Variants in COL16A1 observed in about 807,000 individuals in gnomAD.
COL16A1 encodes collagen alpha-1(XVI) chain.
Under a neutral mutation model 266.3 loss-of-function variants are expected in COL16A1, and 189 were observed. The ratio of observed to expected loss-of-function variants is 0.71; its 90% CI spans 0.63 to 0.80. The LOEUF is 0.80. Among genes scored for constraint, COL16A1 ranks in the 30% least tolerant of loss-of-function variants. The pLI, the probability that COL16A1 is intolerant of heterozygous loss-of-function variation, is 0.00. For synonymous variants in COL16A1, 740 were observed against 782.3 expected, an observed-to-expected ratio of 0.95 and a Z score of 0.90; for missense variants, 1,928 against 2,122.4, an observed-to-expected ratio of 0.91 and a Z score of 1.80.
intron 42 of COL16A1, among the ~76,000 whole-genome samples, chr1:31,675,965 C>T (rs79906506): frequency 4.6e-5 from 7 of 152,326 alleles, no homozygotes; most frequent in African/African-American, 1.4e-4. Context: ...CCTATTTTCT[C>T]GTTTAATCAT....
chr1:31,653,734 C>T (rs1640841190), intron 69 of COL16A1, 58 bp from the exon 70 acceptor site: 1 of 1,581,228 alleles, frequency 6.3e-7, no homozygotes, highest in Non-Finnish European at 8.6e-7. Flanking sequence ...CACAGCCAGT[C>T]AGATTACTTG....
At chr1:31,653,317 G>A in intron 70 of COL16A1, 1 of 378,982 alleles carries the variant, frequency 2.6e-6, no homozygotes, top group South Asian at 4.3e-5. Context: ...GTGAGGTGCT[G>A]AGTAGAACTT....
intron 29 of COL16A1, 133 bp from the exon 30 acceptor site, chr1:31,684,989 T>C: frequency 6.5e-7 from 1 of 1,548,512 alleles, no homozygotes; most frequent in Non-Finnish European, 8.7e-7. Flanking sequence ...TGAAGCAATC[T>C]TGCCCAGGTG....
At chr1:31,695,313 A>T in intron 10 of COL16A1, 92 bp from the exon 11 acceptor site, 1 of 1,266,582 alleles carries the variant, frequency 7.9e-7, no homozygotes, top group Non-Finnish European at 1.1e-6. Context: ...AGAACATCAC[A>T]CATATCTTGA....
intron 31 of COL16A1, 133 bp downstream of exon 31, chr1:31,684,390 G>A (rs767441997): frequency 1.0e-5 from 15 of 1,491,702 alleles, no homozygotes; most frequent in East Asian, 7.1e-5. Context: ...GAGAAGCCCC[G>A]AGGAGCCTCC....
intron 44 of COL16A1, 44 bp from the exon 45 acceptor site, chr1:31,672,884 G>T (rs763558124): frequency 6.3e-7 from 1 of 1,579,040 alleles, no homozygotes; most frequent in South Asian, 1.1e-5. Context: ...GGTTAGAGAT[G>T]GGCAGGATGG....
rs760632064 is a variant in COL16A1 at position 31,685,734 on chromosome 1, G to A, written c.1921C>T (p.Leu641Phe). The change falls in exon 29 of 71, where the codon CTT becomes TTT. Residue 641 changes from leucine to phenylalanine, a missense_variant. Transcript: ENST00000373672. The surrounding 1 kb of genome is among the most constrained non-coding windows in gnomAD (Gnocchi z 4.0). ...ACCACACGGACATCCCCATCCTGAA[G>A]GTTGGACAGGGCTGGGCACGGCTCA... ...PCEPCPALSN[L>F]QDGDVRVVAL... is the part of the protein sequence containing the mutation. 3 of 1,614,022 alleles carry A rather than the reference G, an allele frequency of 1.9e-6. No individual in the cohort carries two copies. The highest frequency in any genetic ancestry group is 4.5e-5 in the East Asian group (2 of 44,888).
chr1:31,702,051 G>T, intron 2 of COL16A1, 70 bp downstream of exon 2: 1 of 1,609,990 alleles, frequency 6.2e-7, no homozygotes, highest in Non-Finnish European at 8.5e-7. Context: ...TCACATATGT[G>T]CAAGGACCCC....
At position 31,670,700 on chromosome 1, in the gene COL16A1, G is replaced by A. The variant is rs1642595032; in HGVS notation, c.3151-54C>T. Reference sequence around the variant, plus strand: ...TCACAGGCACAGTAACCCTGGGACAGCCTGGAGGGCACAGTCTGGGGCTTG... The same window carrying A: ...TCACAGGCACAGTAACCCTGGGACAACCTGGAGGGCACAGTCTGGGGCTTG... On this transcript the variant is annotated intron_variant, in intron 48 of 70. Coordinates refer to ENST00000373672, the MANE Select transcript of COL16A1 (RefSeq NM_001856.4). This position sits in a 1 kb window ranked among gnomAD's most constrained non-coding sequence, Gnocchi z 4.5. The A allele has an allele frequency of 2.9e-6, 4 of 1,382,588 alleles. No individual in the cohort carries two copies. In the South Asian group the frequency reaches 6.6e-5, roughly 23 times the overall value. The allele number at this position is 1,382,588 out of a possible 1,614,324, so 85.6% of individuals were successfully genotyped here. A position where few individuals can be genotyped will look rare whatever the true frequency, so the allele number is the denominator to read the frequency against.
Position 31,670,564 on chromosome 1 carries a change from C to A in COL16A1, c.3195+38G>T, listed in dbSNP as rs752728575. The stretch of plus-strand genomic sequence containing the variant: ...GCAAAAGCCACAGAGACCTGGCTGA[C>A]GGGGGGGAGGGGAGGTCGAGCAGCG... On this transcript the variant is annotated intron_variant, in intron 49 of 70. Coordinates refer to ENST00000373672, the MANE Select transcript of COL16A1 (RefSeq NM_001856.4). The surrounding 1 kb of genome is among the most constrained non-coding windows in gnomAD (Gnocchi z 4.5). 23 of 1,355,810 alleles carry A rather than the reference C, an allele frequency of 1.7e-5. No homozygotes were observed. In the South Asian group the frequency reaches 3.9e-4, roughly 23 times the overall value. 84.0% of individuals were successfully genotyped at this position (1,355,810 alleles called of 1,614,324 possible).
In COL16A1 at chr1:31,670,931, A is replaced by G. The variant is rs1642624150; in HGVS notation, c.3151-285T>C. On this transcript the variant is annotated intron_variant, in intron 48 of 70. Transcript: ENST00000373672. The surrounding 1 kb of genome is among the most constrained non-coding windows in gnomAD (Gnocchi z 4.5). ...TAACTGAAGATCCGGTTGCAGCAGA[A>G]GCCCATTTCTTTCAGCCTTGCCCAC... Among the ~76,000 whole-genome samples, 1 of 152,340 alleles carries G rather than the reference A, an allele frequency of 6.6e-6. No homozygotes were observed. Among genetic ancestry groups the G allele is most frequent in the Admixed American group, 6.5e-5 (1 of 15,310 alleles).
At position 31,653,727 on chromosome 1, in the gene COL16A1, A is replaced by G. The variant is rs762460855; in HGVS notation, c.4535-51T>C. 34 of 1,591,058 alleles carry G rather than the reference A, an allele frequency of 2.1e-5. No homozygotes were observed. The East Asian group carries it at 6.3e-4, about 29-fold the overall frequency. Reference sequence around the variant, plus strand: ...CTATCCCTGAGCAGAAAAATGACACAGCCAGTCAGATTACTTGAAACACAC... The same window carrying G: ...CTATCCCTGAGCAGAAAAATGACACGGCCAGTCAGATTACTTGAAACACAC... On this transcript the variant is annotated intron_variant, in intron 69 of 70. Coordinates refer to ENST00000373672, the MANE Select transcript of COL16A1 (RefSeq NM_001856.4).
At chr1:31,687,628 G>A (rs1644055439) in intron 26 of COL16A1, among the ~76,000 whole-genome samples, 2 of 151,840 alleles carry the variant, frequency 1.3e-5, no homozygotes, top group Admixed American at 6.6e-5. Context: ...GGGGGCTAGA[G>A]GGAGGGGGCA....
chr1:31,669,595 C>A (rs978005617), intron 49 of COL16A1, among the ~76,000 whole-genome samples: 1 of 151,934 alleles, frequency 6.6e-6, no homozygotes, highest in Non-Finnish European at 1.5e-5. Context: ...ATGGCCCCTT[C>A]ACCCAAGCAA....
chr1:31,660,483 C>T, intron 62 of COL16A1, 102 bp downstream of exon 62: 4 of 1,508,492 alleles, frequency 2.7e-6, no homozygotes, highest in East Asian at 2.4e-5. Context: ...TGGGGCAGCC[C>T]CTATGGCAAG....
chr1:31,683,600 G>C (rs1171051043), intron 34 of COL16A1, 107 bp downstream of exon 34: 21 of 1,602,880 alleles, frequency 1.3e-5, no homozygotes, highest in Non-Finnish European at 1.8e-5. Context: ...ACTAAGTCCT[G>C]TGCCTCTGGG....
At chr1:31,660,463 C>T (rs1395822667) in intron 62 of COL16A1, 122 bp downstream of exon 62, 1 of 1,325,496 alleles carries the variant, frequency 7.5e-7, no homozygotes, top group Non-Finnish European at 1.0e-6. Context: ...GGCCCCCGTG[C>T]TCCCACGGCT....
chr1:31,695,998 TG>T, intron 9 of COL16A1, 89 bp downstream of exon 9: 1 of 1,199,250 alleles, frequency 8.3e-7, no homozygotes, highest in Non-Finnish European at 1.2e-6. Flanking sequence ...GGGAGGAGAG[TG>T]GGAGTGGAGC....
At chr1:31,680,875 G>C in intron 39 of COL16A1, 30 bp downstream of exon 39, 1 of 1,614,112 alleles carries the variant, frequency 6.2e-7, no homozygotes. Flanking sequence ...TAATCCCCTA[G>C]AATATGGGTC....
Sources: allele counts gnomAD v4.1 joint callset (sites outside exome capture counted in the v4.1 genomes callset), GRCh38; gene constraint gnomAD v4.1.1; non-coding constraint Gnocchi (gnomAD v3.1); transcripts MANE v1.5; gene names NCBI Gene and HGNC (gene_info 2026-07-23, HGNC 2026-07-21).